TLK1: variants seen among roughly 807,000 people sequenced by gnomAD.
The protein encoded by TLK1 is serine/threonine-protein kinase tousled-like 1.
Under a neutral mutation model 105.3 loss-of-function variants are expected in TLK1, and 24 were observed. The observed-to-expected ratio is 0.23, with a 90% CI of 0.17 to 0.32. The LOEUF (loss-of-function observed/expected upper bound fraction) is 0.32, where lower values mean the gene tolerates loss of function less well. TLK1 is among the 10% of genes least tolerant of loss of function. The pLI is 1.00. For missense variants in TLK1, 558 were observed against 910.5 expected (o/e 0.61, Z 4.98); for synonymous variants, 321 against 310.4 (o/e 1.03, Z -0.36).
intron 1 of TLK1, among the ~76,000 whole-genome samples, chr2:171,184,014 G>C (rs1692975357): frequency 6.6e-6 from 1 of 152,258 alleles, no homozygotes; most frequent in South Asian, 2.1e-4. Context: ...AGATTGTCTG[G>C]GTGGGTCCAA....
At chr2:171,165,771 C>T (rs1692596707), upstream of TLK1, among the ~76,000 whole-genome samples, 1 of 152,106 alleles carries the variant, frequency 6.6e-6, no homozygotes, top group Admixed American at 6.5e-5. Context: ...ATTAGCCAGG[C>T]ATGGTGGCGC....
At chr2:171,172,621 G>A (rs1692751281) in intron 1 of TLK1, among the ~76,000 whole-genome samples, 1 of 152,080 alleles carries the variant, frequency 6.6e-6, no homozygotes, top group East Asian at 1.9e-4. Flanking sequence ...TTGTGATAGT[G>A]AGTGGGTTCT....
chr2:171,229,949 G>T (rs1441123439), intron 1 of TLK1, among the ~76,000 whole-genome samples: 1 of 152,008 alleles, frequency 6.6e-6, no homozygotes. Flanking sequence ...TTCCACCCAT[G>T]TTTGTAAGGT....
chr2:171,161,846 G>A (rs1692510384), upstream of TLK1, among the ~76,000 whole-genome samples: 1 of 147,178 alleles, frequency 6.8e-6, no homozygotes, highest in South Asian at 2.2e-4. Flanking sequence ...ACCAGGGATT[G>A]GGCTTCTTGT....
chr2:171,048,672 C>T (rs1001377862), intron 10 of TLK1, among the ~76,000 whole-genome samples: 4 of 32,702 alleles, frequency 1.2e-4, no homozygotes, highest in Non-Finnish European at 4.3e-4. Flanking sequence ...CTTTGTTTCA[C>T]TGTGGTATAA....
rs184142271 is a variant in TLK1, at chr2:170,999,657, G to A, written c.1905-1834C>T. On this transcript the variant is annotated intron_variant, in intron 18 of 20. Coordinates refer to ENST00000431350, the MANE Select transcript of TLK1 (RefSeq NM_012290.5). ...ATTATATGTGTATTCTAAAATATAC[G>A]AGTATTTATAGTGCTATCCAAATAT... Among the ~76,000 whole-genome samples, 90 of 152,322 alleles carry A rather than the reference G, an allele frequency of 5.9e-4. 1 individual carries two copies. The East Asian group carries it at 8.5e-3, about 14-fold the overall frequency.
intron 2 of TLK1, among the ~76,000 whole-genome samples, chr2:171,110,949 T>C (rs1363441056): frequency 6.6e-6 from 1 of 152,114 alleles, no homozygotes; most frequent in East Asian, 1.9e-4. Flanking sequence ...CTTAATTATT[T>C]CTATATACAA....
intron 1 of TLK1, among the ~76,000 whole-genome samples, chr2:171,133,491 C>T (rs1485449499): frequency 6.6e-6 from 1 of 152,006 alleles, no homozygotes. Context: ...CCCAGCTATT[C>T]GCAAGGCTGA....
chr2:171,075,079 T>G (rs1204132021), intron 3 of TLK1, among the ~76,000 whole-genome samples: 2 of 151,956 alleles, frequency 1.3e-5, no homozygotes, highest in South Asian at 2.1e-4. Context: ...AAATTAAAAT[T>G]TAATGAAAAT....
chr2:171,039,496 G>A (rs775091321), intron 11 of TLK1, among the ~76,000 whole-genome samples: 4 of 152,130 alleles, frequency 2.6e-5, no homozygotes, highest in African/African-American at 4.8e-5. Context: ...GAGCTCAAGC[G>A]ATCCACCCAC....
chr2:171,147,919 C>T (rs563187466), intron 1 of TLK1, among the ~76,000 whole-genome samples: 1 of 150,672 alleles, frequency 6.6e-6, no homozygotes, highest in East Asian at 2.0e-4. Context: ...GAGACAGAGT[C>T]TCACTCTGTC....
intron 3 of TLK1, among the ~76,000 whole-genome samples, chr2:171,065,246 A>T (rs771283931): frequency 6.6e-6 from 1 of 152,254 alleles, no homozygotes; most frequent in Non-Finnish European, 1.5e-5. Flanking sequence ...ATATTTTAAT[A>T]GCAACAAAAA....
In TLK1 at chr2:171,140,265, T is replaced by C. The variant is rs1230139736; in HGVS notation, c.139+20025A>G. On this transcript the variant is annotated intron_variant, in intron 1 of 20. Coordinates refer to ENST00000431350, the MANE Select transcript of TLK1 (RefSeq NM_012290.5). ...AAGGACTTTCTCCTTCCAGTAATGG[T>C]GATCAGGTCATCAAACCAATCTTCT... is the stretch of plus-strand genomic sequence containing the variant. 2.0e-5 allele frequency among the ~76,000 whole-genome samples: 3 copies of C among 152,226 alleles called. No individual in the cohort carries two copies. In the East Asian group the frequency reaches 5.8e-4, roughly 29 times the overall value.
intron 1 of TLK1, among the ~76,000 whole-genome samples, chr2:171,128,549 G>C (rs933927523): frequency 4.6e-5 from 7 of 152,090 alleles, no homozygotes; most frequent in Non-Finnish European, 8.8e-5. Flanking sequence ...CATATATAAT[G>C]TAATAAGCCC....
chr2:171,063,825 T>C (rs1216885103), intron 3 of TLK1, among the ~76,000 whole-genome samples: 2 of 152,222 alleles, frequency 1.3e-5, no homozygotes, highest in African/African-American at 4.8e-5. Flanking sequence ...TAACATGCAC[T>C]GGCTATCTCC....
intron 18 of TLK1, among the ~76,000 whole-genome samples, chr2:171,003,862 T>C (rs913135843): frequency 3.9e-5 from 6 of 152,248 alleles, no homozygotes; most frequent in African/African-American, 1.4e-4. Context: ...CTTCTTGTAA[T>C]AGATTTGTGT....
intron 3 of TLK1, among the ~76,000 whole-genome samples, chr2:171,071,165 A>G (rs556123372): frequency 1.6e-4 from 25 of 152,136 alleles, no homozygotes; most frequent in African/African-American, 6.0e-4. Context: ...CATATATTCT[A>G]GTTATTTATT....
In TLK1 at chr2:170,993,686, A is replaced by G. The variant is rs1355249952; in HGVS notation, c.*94T>C. 114 of 1,000,954 alleles carry G rather than the reference A, an allele frequency of 1.1e-4. No homozygotes were observed. The highest frequency in any genetic ancestry group is 3.4e-4 in the Middle Eastern group (1 of 2,906). The allele number at this position is 1,000,954 out of a possible 1,614,324, so 62.0% of individuals were successfully genotyped here. A position where few individuals can be genotyped will look rare whatever the true frequency, so the allele number is the denominator to read the frequency against. ...TCTTGTGTAAAAAAAAAAAAAAAAA[A>G]AAAAGAAAAAGAAAACAAACACTCA... On this transcript the variant is annotated 3_prime_UTR_variant, in exon 21 of 21. Coordinates refer to ENST00000431350, the MANE Select transcript of TLK1 (RefSeq NM_012290.5).
chr2:171,081,939 G>C (rs1034362528), intron 3 of TLK1, among the ~76,000 whole-genome samples: 3 of 151,736 alleles, frequency 2.0e-5, no homozygotes, highest in Non-Finnish European at 2.9e-5. Context: ...AAGTTGATAG[G>C]TCTATACTAA....
Sources: gnomAD v4.1 joint callset for allele counts (sites outside exome capture counted in the v4.1 genomes callset) on GRCh38, gnomAD v4.1.1 for gene constraint, MANE v1.5 for transcripts, NCBI Gene and HGNC (gene_info 2026-07-23, HGNC 2026-07-21) for gene names.